Variants in NKAIN3 observed in about 807,000 individuals in gnomAD.
The protein encoded by NKAIN3 is sodium/potassium transporting ATPase interacting 3.
Under a neutral mutation model 30.2 loss-of-function variants are expected in NKAIN3, and 25 were observed. The observed-to-expected ratio is 0.83, with a 90% CI of 0.60 to 1.16. The LOEUF (loss-of-function observed/expected upper bound fraction) is 1.16. NKAIN3 is among the 50% of genes most tolerant of loss of function. The pLI, the probability that NKAIN3 is intolerant of heterozygous loss-of-function variation, is 0.00. For synonymous variants in NKAIN3, 91 were observed against 89.6 expected, an observed-to-expected ratio of 1.02 and a Z score of -0.09; for missense variants, 225 against 254.1, an observed-to-expected ratio of 0.89 and a Z score of 0.78.
chr8:62,870,990 T>A (rs11988956), intron 4 of NKAIN3, among the ~76,000 whole-genome samples: 209 of 152,222 alleles, frequency 1.4e-3, no homozygotes, highest in African/African-American at 4.9e-3. Flanking sequence ...ACTCAAAGAC[T>A]GACTGTTTCA....
At chr8:62,442,034 T>C (rs966194733) in intron 1 of NKAIN3, among the ~76,000 whole-genome samples, 9 of 152,074 alleles carry the variant, frequency 5.9e-5, no homozygotes, top group Admixed American at 1.3e-4. Flanking sequence ...ATAGATGTTC[T>C]GATATTAAAT....
intron 1 of NKAIN3, among the ~76,000 whole-genome samples, chr8:62,316,895 C>G (rs1814655946): frequency 6.6e-6 from 1 of 152,196 alleles, no homozygotes; most frequent in African/African-American, 2.4e-5. Flanking sequence ...GTCTAACCAA[C>G]AGTGTAAGTG....
Position 62,969,221 on chromosome 8 carries a change from G to A in NKAIN3, c.*3814G>A, listed in dbSNP as rs1041722511. ...TATTCCTATAGACCTAAATAAGGGA[G>A]GCAGCCAGTTTCAAGAGGCTGGCTC... On this transcript the variant is annotated 3_prime_UTR_variant, in exon 7 of 7. Transcript: ENST00000623646. Among the ~76,000 whole-genome samples, 1 of 152,208 alleles carries A rather than the reference G, an allele frequency of 6.6e-6. No homozygotes were observed.
At position 62,975,674 on chromosome 8, in the gene NKAIN3, C is replaced by G. The variant is rs187635483; in HGVS notation, c.*10267C>G. ...GTATCTCTTTCAGTTCTGTTCTGAT[C>G]TTAGTTATTTCTTGTCTTCTGCTAG... is the stretch of plus-strand genomic sequence containing the variant. On this transcript the variant is annotated 3_prime_UTR_variant, in exon 7 of 7. Coordinates refer to ENST00000623646, the MANE Select transcript of NKAIN3 (RefSeq NM_001304533.3). Among the ~76,000 whole-genome samples, 4 of 152,224 alleles carry G rather than the reference C, an allele frequency of 2.6e-5. No homozygotes were observed. The highest frequency in any genetic ancestry group is 6.5e-5 in the Admixed American group (1 of 15,278).
At chr8:62,456,678 A>G (rs17243414) in intron 1 of NKAIN3, among the ~76,000 whole-genome samples, 2,535 of 152,318 alleles carry the variant, frequency 0.017, 50 homozygotes, top group Non-Finnish European at 0.02. Context: ...AGCAAGATGT[A>G]GATACAGGAC....
chr8:62,668,543 C>T (rs1022719347), intron 3 of NKAIN3, among the ~76,000 whole-genome samples: 10 of 152,140 alleles, frequency 6.6e-5, no homozygotes, highest in Non-Finnish European at 1.3e-4. Flanking sequence ...TGTTGTCTTC[C>T]TAAATGATAC....
intron 1 of NKAIN3, among the ~76,000 whole-genome samples, chr8:62,547,106 T>C (rs576588799): frequency 3.9e-5 from 6 of 152,286 alleles, no homozygotes; most frequent in African/African-American, 1.2e-4. Flanking sequence ...GTTAATGAGT[T>C]ACAACTGTGC....
chr8:62,439,229 G>A (rs1165380454), intron 1 of NKAIN3, among the ~76,000 whole-genome samples: 1 of 152,192 alleles, frequency 6.6e-6, no homozygotes, highest in African/African-American at 2.4e-5. Context: ...GTATGAGCCT[G>A]AGTCCTCTGG....
intron 1 of NKAIN3, among the ~76,000 whole-genome samples, chr8:62,548,444 C>G (rs1809086510): frequency 6.6e-6 from 1 of 152,028 alleles, no homozygotes; most frequent in South Asian, 2.1e-4. Flanking sequence ...GGCTATAGCC[C>G]TTACAGAGCC....
chr8:62,754,705 A>G (rs1355125432), intron 4 of NKAIN3, among the ~76,000 whole-genome samples: 2 of 152,170 alleles, frequency 1.3e-5, no homozygotes, highest in Middle Eastern at 3.2e-3. Flanking sequence ...TGCCTTTCAT[A>G]TCGGACACAT....
intron 1 of NKAIN3, among the ~76,000 whole-genome samples, chr8:62,352,772 T>C (rs979489924): frequency 4.6e-5 from 7 of 152,160 alleles, no homozygotes; most frequent in Admixed American, 2.0e-4. Flanking sequence ...AGCATGCGTG[T>C]CTCCCGTCTT....
intron 1 of NKAIN3, among the ~76,000 whole-genome samples, chr8:62,463,375 A>G (rs1298092339): frequency 1.3e-5 from 2 of 152,250 alleles, no homozygotes; most frequent in Non-Finnish European, 2.9e-5. Context: ...TACTTAGCAG[A>G]CAAACAAAAT....
rs902584983 is a variant in NKAIN3 at position 62,975,363 on chromosome 8, G to T, written c.*9956G>T. On this transcript the variant is annotated 3_prime_UTR_variant, in exon 7 of 7. Transcript: ENST00000623646. ...AGAACTTGTTATTGGTCTATTCAGG[G>T]ATTCAACTTCTTCCTGGGTTAGTCA... Among the ~76,000 whole-genome samples, 1 of 152,070 alleles carries T rather than the reference G, an allele frequency of 6.6e-6. No individual in the cohort carries two copies. The highest frequency in any genetic ancestry group is 1.5e-5 in the Non-Finnish European group (1 of 68,000).
chr8:62,689,549 T>C (rs1190574218), intron 3 of NKAIN3, among the ~76,000 whole-genome samples: 8 of 152,186 alleles, frequency 5.3e-5, no homozygotes, highest in Admixed American at 1.3e-4. Context: ...CAACCAAAGT[T>C]GTACTGATGT....
intron 1 of NKAIN3, among the ~76,000 whole-genome samples, chr8:62,458,064 G>A (rs1250678301): frequency 6.6e-6 from 1 of 152,122 alleles, no homozygotes; most frequent in Non-Finnish European, 1.5e-5. Flanking sequence ...GAATGCTATA[G>A]TTTTACATGA....
intron 4 of NKAIN3, among the ~76,000 whole-genome samples, chr8:62,814,358 T>G (rs2883013): frequency 0.89 from 134,067 of 151,360 alleles, 59,528 homozygotes; most frequent in African/African-American, 0.91. Flanking sequence ...TTTTTAAACA[T>G]TAACAATTTG....
At chr8:62,693,656 T>C (rs1814053538) in intron 3 of NKAIN3, among the ~76,000 whole-genome samples, 2 of 152,126 alleles carry the variant, frequency 1.3e-5, no homozygotes, top group Admixed American at 6.6e-5. Flanking sequence ...ATAAAGCAAA[T>C]AAAAGAAGAG....
intron 1 of NKAIN3, among the ~76,000 whole-genome samples, chr8:62,437,083 T>A (rs1805194120): frequency 6.6e-6 from 1 of 152,178 alleles, no homozygotes; most frequent in South Asian, 2.1e-4. Flanking sequence ...CAAGGAGAGA[T>A]GCAATGATTA....
intron 1 of NKAIN3, among the ~76,000 whole-genome samples, chr8:62,548,708 A>G (rs902642967): frequency 1.6e-5 from 2 of 121,224 alleles, no homozygotes; most frequent in African/African-American, 7.2e-5. Context: ...AGAGCTGGAT[A>G]TAATAGTGTA....
Sources: gnomAD v4.1 joint callset for allele counts (sites outside exome capture counted in the v4.1 genomes callset) on GRCh38, gnomAD v4.1.1 for gene constraint, MANE v1.5 for transcripts, NCBI Gene and HGNC (gene_info 2026-07-23, HGNC 2026-07-21) for gene names.